MAP7D3: variants seen among roughly 807,000 people sequenced by gnomAD.
The protein encoded by MAP7D3 is MAP7 domain containing 3, also known as MAP7 domain-containing protein 3.
Under a neutral mutation model 62.2 loss-of-function variants are expected in MAP7D3, and 45 were observed. That is an observed-to-expected ratio of 0.72 (90% confidence interval 0.57 to 0.93). The LOEUF is 0.93. MAP7D3 is among the 40% of genes least tolerant of loss of function. The pLI, the probability that MAP7D3 is intolerant of heterozygous loss-of-function variation, is 0.00. For missense variants in MAP7D3, 711 were observed against 683.1 expected, an observed-to-expected ratio of 1.04 and a Z score of -0.45; for synonymous variants, 288 against 248.8, an observed-to-expected ratio of 1.16 and a Z score of -1.48.
rs188459922 is a variant in MAP7D3 at position 136,243,500 on chromosome X, C to T, written c.417+1132G>A. 4.1e-3 allele frequency among the ~76,000 whole-genome samples: 451 copies of T among 111,316 alleles called. 2 individuals are homozygous for T. Among genetic ancestry groups the T allele is most frequent in the South Asian group, 0.012 (30 of 2,602 alleles). On this transcript the variant is annotated intron_variant, in intron 4 of 18. Coordinates refer to ENST00000316077, the MANE Select transcript of MAP7D3 (RefSeq NM_024597.4). The stretch of plus-strand genomic sequence containing the variant: ...AGGGTGGATCACGAGGTCAGGAGTT[C>T]AAGACCAGCCTGGCCAAGATAGTGA...
chrX:136,254,387 G>GT (rs1283988991), upstream of MAP7D3, among the ~76,000 whole-genome samples: 1 of 110,943 alleles, frequency 9.0e-6, no homozygotes. Context: ...GCCCAGCCGA[G>GT]TTTTTTTCAA....
At chrX:136,239,295 CA>C (rs1256942125) in intron 6 of MAP7D3, among the ~76,000 whole-genome samples, 2 of 111,991 alleles carry the variant, frequency 1.8e-5, no homozygotes, top group African/African-American at 6.5e-5. Flanking sequence ...ACACCAGAAA[CA>C]AAAAGACATT....
chrX:136,233,635 TAAAAAAAAAAAAAAAA>T (rs151267120), intron 7 of MAP7D3, among the ~76,000 whole-genome samples: 2 of 30,607 alleles, frequency 6.5e-5, no homozygotes, highest in East Asian at 2.6e-3. Context: ...TAAATTAAAC[TAAAAAAAAAAAAAAAA>T]AAAAAAAAAA....
At position 136,231,552 on chromosome X, in the gene MAP7D3, C is replaced by T. The variant is rs1343226323; in HGVS notation, c.1405G>A (p.Ala469Thr). The T allele has an allele frequency of 4.2e-6, 5 of 1,192,732 alleles. No individual in the cohort carries two copies. The highest frequency in any genetic ancestry group is 5.9e-5 in the East Asian group (2 of 33,779). Residue 469 changes from alanine to threonine, a missense_variant, in exon 8 of 19, where the codon GCT becomes ACT. Transcript: ENST00000316077. Reference protein sequence around the residue: ...EASPKAKARDAPKKSEMDKQA... With the variant: ...EASPKAKARDTPKKSEMDKQA... ...ACAGGCACTTGACAAACCTTTGGAG[C>T]GTCTCTCGCTTTTGCCTTGGGAGAT...
rs771234960 is a variant in MAP7D3, at chrX:136,246,066, G to T, written c.252C>A (p.Asp84Glu). The T allele has an allele frequency of 2.7e-5, 32 of 1,178,846 alleles. No individual in the cohort carries two copies. Among genetic ancestry groups the T allele is most frequent in the Admixed American group, 4.5e-5 (2 of 44,453 alleles). Residue 84 changes from aspartate (D) to glutamate (E), a missense_variant and splice_region_variant, in exon 3 of 19, where the codon GAC becomes GAA. Asp to Glu is a conservative substitution (Grantham distance 45). Coordinates refer to ENST00000316077, the MANE Select transcript of MAP7D3 (RefSeq NM_024597.4). ...TTTGAAAAAAGGTCTAAAATATACC[G>T]TCTTGCTGTCTCCTTTTCTCCTCTC... ...ERREEKRRQQ[D>E]ANKETQLLEK... is the part of the protein sequence containing the mutation.
intron 12 of MAP7D3, among the ~76,000 whole-genome samples, 153 bp downstream of exon 12, chrX:136,227,129 CAA>C (rs2074207416): frequency 9.0e-6 from 1 of 110,641 alleles, no homozygotes; most frequent in Non-Finnish European, 1.9e-5. Flanking sequence ...AACTCCATCT[CAA>C]AATTAATAAA....
intron 7 of MAP7D3, among the ~76,000 whole-genome samples, chrX:136,233,433 C>G (rs1267578423): frequency 1.9e-5 from 2 of 107,410 alleles, no homozygotes; most frequent in African/African-American, 6.8e-5. Flanking sequence ...TGCCACCACA[C>G]CCGGAAAATT....
rs757895982 is a variant in MAP7D3, at chrX:136,225,891, CA to C, written c.2139+17del. On this transcript the variant is annotated intron_variant, in intron 13 of 18. Coordinates refer to ENST00000316077, the MANE Select transcript of MAP7D3 (RefSeq NM_024597.4). ...TTTTAAACACAGAATCAAGTCCCCC[CA>C]AACAGAGAGCGAGTACCTTTTTCCT... is the stretch of plus-strand genomic sequence containing the variant. 5 of 1,062,698 alleles carry C rather than the reference CA, an allele frequency of 4.7e-6. No homozygotes were observed. The Admixed American group carries it at 1.2e-4, about 25-fold the overall frequency. 87.6% of individuals were successfully genotyped at this position (1,062,698 alleles called of 1,213,427 possible).
At chrX:136,252,806 G>T (rs1014120684), upstream of MAP7D3, among the ~76,000 whole-genome samples, 1 of 108,042 alleles carries the variant, frequency 9.3e-6, no homozygotes, top group African/African-American at 3.4e-5. Flanking sequence ...TAATACAAGT[G>T]GGGGGCCAGG....
intron 1 of MAP7D3, among the ~76,000 whole-genome samples, chrX:136,247,498 G>C (rs1033139321): frequency 9.0e-6 from 1 of 110,593 alleles, no homozygotes; most frequent in Non-Finnish European, 1.9e-5. Flanking sequence ...CTTATAAAAT[G>C]AATGAACTCT....
At chrX:136,226,163 C>T (rs757691306) in intron 12 of MAP7D3, 150 bp from the exon 13 acceptor site, 20 of 422,710 alleles carry the variant, frequency 4.7e-5, no homozygotes, top group Middle Eastern at 5.8e-4. Context: ...ATGATATTTG[C>T]GGATTGTCAA....
At chrX:136,234,851 G>A (rs1205909502) in intron 7 of MAP7D3, among the ~76,000 whole-genome samples, 2 of 111,415 alleles carry the variant, frequency 1.8e-5, no homozygotes, top group South Asian at 3.8e-4. Flanking sequence ...TATGAGCAAC[G>A]AGATATATGA....
downstream of MAP7D3, among the ~76,000 whole-genome samples, chrX:136,216,387 AAAG>A (rs1429680208): frequency 1.9e-5 from 2 of 105,750 alleles, no homozygotes; most frequent in Non-Finnish European, 3.9e-5. Context: ...AAAAAGAAAA[AAAG>A]AGAAGAAGAA....
intron 7 of MAP7D3, among the ~76,000 whole-genome samples, chrX:136,235,703 G>A (rs1309864540): frequency 9.0e-6 from 1 of 110,532 alleles, no homozygotes. Flanking sequence ...GAGCTGAGAT[G>A]GCGCCACTGC....
At position 136,240,709 on chromosome X, in the gene MAP7D3, C is replaced by T. The variant is rs776145840; in HGVS notation, c.536-223G>A. On this transcript the variant is annotated intron_variant, in intron 5 of 18. Coordinates refer to ENST00000316077, the MANE Select transcript of MAP7D3 (RefSeq NM_024597.4). Reference sequence around the variant, plus strand: ...TCTTGACCTCAAGTGATCTGCTCGCCTTGGCCTCTCAAAGTGCTGGGACTA... The same window carrying T: ...TCTTGACCTCAAGTGATCTGCTCGCTTTGGCCTCTCAAAGTGCTGGGACTA... Among the ~76,000 whole-genome samples, 3 of 111,559 alleles carry T rather than the reference C, an allele frequency of 2.7e-5. No homozygotes were observed. In the South Asian group the frequency reaches 1.1e-3, roughly 42 times the overall value.
rs1023632483 is a variant in MAP7D3, at chrX:136,241,379, G to A, written c.418-102C>T. 2.4e-5 allele frequency: 11 copies of A among 455,280 alleles called. No individual in the cohort carries two copies. In the African/African-American group the frequency reaches 2.6e-4, roughly 11 times the overall value. 37.5% of individuals were successfully genotyped at this position (455,280 alleles called of 1,213,427 possible). ...AACCATAACCAAATTTCTGTCTCAG[G>A]TAAAAGTTTAAAATAATTGGAGATA... On this transcript the variant is annotated intron_variant, in intron 4 of 18. Coordinates refer to ENST00000316077, the MANE Select transcript of MAP7D3 (RefSeq NM_024597.4).
chrX:136,247,436 G>A (rs895809797), intron 1 of MAP7D3, among the ~76,000 whole-genome samples: 1 of 111,769 alleles, frequency 8.9e-6, no homozygotes. Flanking sequence ...AAATGTAACA[G>A]TTGAAGATGG....
intron 6 of MAP7D3, among the ~76,000 whole-genome samples, chrX:136,237,637 TAAAG>T (rs1174115273): frequency 5.3e-5 from 6 of 112,345 alleles, no homozygotes; most frequent in Non-Finnish European, 7.5e-5. Flanking sequence ...TAAAAGCTAA[TAAAG>T]AAATCATTTT....
At chrX:136,221,383 T>C in intron 15 of MAP7D3, among the ~76,000 whole-genome samples, 1 of 111,880 alleles carries the variant, frequency 8.9e-6, no homozygotes, top group Middle Eastern at 4.6e-3. Flanking sequence ...TGGAGTGCAG[T>C]GGCACGATCT....
Sources: gnomAD v4.1 joint callset for allele counts (sites outside exome capture counted in the v4.1 genomes callset) on GRCh38, gnomAD v4.1.1 for gene constraint, MANE v1.5 for transcripts, NCBI Gene and HGNC (gene_info 2026-07-23, HGNC 2026-07-21) for gene names.